PDE4D: variants seen among roughly 807,000 people sequenced by gnomAD.
PDE4D encodes the protein 3',5'-cyclic-AMP phosphodiesterase 4D.
In PDE4D, 24 loss-of-function variants were observed where a neutral mutation model predicts 87.4. That is an observed-to-expected ratio of 0.27 (90% confidence interval 0.20 to 0.39). The LOEUF (loss-of-function observed/expected upper bound fraction) is 0.39, where lower values mean the gene tolerates loss of function less well. Among genes scored for constraint, PDE4D ranks in the 10% least tolerant of loss-of-function variants. PDE4D has a pLI of 1.00. For missense variants in PDE4D, 714 were observed against 1,041.0 expected (o/e 0.69, Z 4.32); for synonymous variants, 384 against 383.2 (o/e 1.00, Z -0.02).
chr5:60,375,754 C>T (rs1289075136), intron 1 of PDE4D, among the ~76,000 whole-genome samples: 1 of 152,164 alleles, frequency 6.6e-6, no homozygotes, highest in Non-Finnish European at 1.5e-5. Context: ...TTATAATATA[C>T]TACCAGCTGG....
chr5:60,109,278 C>T (rs1166976247), intron 2 of PDE4D, among the ~76,000 whole-genome samples: 1 of 152,184 alleles, frequency 6.6e-6, no homozygotes, highest in Non-Finnish European at 1.5e-5. Context: ...CATCACTGGC[C>T]ATCAGAGGAA....
intron 1 of PDE4D, among the ~76,000 whole-genome samples, chr5:59,413,184 G>A (rs926311283): frequency 9.9e-5 from 15 of 152,090 alleles, no homozygotes; most frequent in Non-Finnish European, 4.4e-5. Context: ...TTGGCTGGGC[G>A]CGGTGGCTCA....
At chr5:59,904,697 T>A (rs1284879339) in intron 3 of PDE4D, among the ~76,000 whole-genome samples, 1 of 152,142 alleles carries the variant, frequency 6.6e-6, no homozygotes, top group East Asian at 1.9e-4. Context: ...TAATCTGTCC[T>A]CAAGGAATAC....
At chr5:59,866,306 G>C (rs945295886) in intron 1 of PDE4D, among the ~76,000 whole-genome samples, 2 of 152,104 alleles carry the variant, frequency 1.3e-5, no homozygotes, top group Non-Finnish European at 2.9e-5. Flanking sequence ...CCTTGGCACA[G>C]AGACATAAAT....
chr5:60,386,524 T>C (rs1425557346), intron 1 of PDE4D, among the ~76,000 whole-genome samples: 1 of 152,160 alleles, frequency 6.6e-6, no homozygotes, highest in Non-Finnish European at 1.5e-5. Flanking sequence ...TAAGACTCTT[T>C]GCAGGCCCCT....
At chr5:59,722,876 T>TACATGGAATAA (rs1347636473) in intron 1 of PDE4D, among the ~76,000 whole-genome samples, 8 of 152,174 alleles carry the variant, frequency 5.3e-5, no homozygotes, top group Admixed American at 4.6e-4. Flanking sequence ...TCAGTATATA[T>TACATGGAATAA]ACATGGAATA....
intron 2 of PDE4D, among the ~76,000 whole-genome samples, chr5:59,999,804 C>A (rs1483561887): frequency 6.6e-6 from 1 of 151,770 alleles, no homozygotes; most frequent in Non-Finnish European, 1.5e-5. Context: ...TAAAGAAGTT[C>A]AATGTGCTAG....
intron 1 of PDE4D, among the ~76,000 whole-genome samples, chr5:60,265,421 C>T (rs1258380579): frequency 6.6e-6 from 1 of 152,194 alleles, no homozygotes; most frequent in African/African-American, 2.4e-5. Flanking sequence ...TGGGCCTGGT[C>T]CTCAAGATAA....
chr5:59,817,798 G>A (rs1002775039), intron 1 of PDE4D, among the ~76,000 whole-genome samples: 1 of 150,296 alleles, frequency 6.7e-6, no homozygotes. Context: ...AAAGGTGTCT[G>A]TGTCTGCAGG....
At chr5:59,084,746 C>A (rs1767369508) in intron 5 of PDE4D, among the ~76,000 whole-genome samples, 1 of 151,322 alleles carries the variant, frequency 6.6e-6, no homozygotes, top group South Asian at 2.1e-4. Context: ...AAAATAAAAT[C>A]AACAAGAAAA....
At chr5:59,011,085 T>C (rs1752704048) in intron 6 of PDE4D, among the ~76,000 whole-genome samples, 2 of 152,174 alleles carry the variant, frequency 1.3e-5, no homozygotes, top group Non-Finnish European at 2.9e-5. Context: ...GGGTCCTGAC[T>C]GTTAGAAGGA....
At chr5:60,308,595 T>C (rs1754715058) in intron 1 of PDE4D, among the ~76,000 whole-genome samples, 1 of 152,220 alleles carries the variant, frequency 6.6e-6, no homozygotes, top group African/African-American at 2.4e-5. Context: ...AGGCTTGTGT[T>C]TCTAAATGTT....
intron 1 of PDE4D, among the ~76,000 whole-genome samples, chr5:59,291,087 C>T (rs951760406): frequency 6.6e-6 from 1 of 151,870 alleles, no homozygotes; most frequent in Non-Finnish European, 1.5e-5. Context: ...TAAGTACATA[C>T]CCAAAAGAAA....
intron 1 of PDE4D, among the ~76,000 whole-genome samples, chr5:59,875,700 T>C (rs1748492089): frequency 6.6e-6 from 1 of 152,192 alleles, no homozygotes; most frequent in African/African-American, 2.4e-5. Context: ...CACTATTCTC[T>C]CAATTCTTCT....
At chr5:60,048,506 T>C (rs1376305842) in intron 2 of PDE4D, among the ~76,000 whole-genome samples, 1 of 152,128 alleles carries the variant, frequency 6.6e-6, no homozygotes, top group Non-Finnish European at 1.5e-5. Flanking sequence ...GCTGGTACCA[T>C]TTGTTCCTCT....
intron 1 of PDE4D, among the ~76,000 whole-genome samples, chr5:59,844,376 C>T (rs908701194): frequency 6.6e-6 from 1 of 152,082 alleles, no homozygotes; most frequent in East Asian, 1.9e-4. Flanking sequence ...AAAACTGATA[C>T]TATGTTATAT....
At chr5:60,457,365 G>C (rs1165730777) in intron 1 of PDE4D, among the ~76,000 whole-genome samples, 2 of 152,080 alleles carry the variant, frequency 1.3e-5, no homozygotes, top group Admixed American at 6.6e-5. Flanking sequence ...TAGAAGGCTT[G>C]GCCTGAATAG....
chr5:60,205,391 A>G (rs1197947467), intron 1 of PDE4D, among the ~76,000 whole-genome samples: 1 of 152,130 alleles, frequency 6.6e-6, no homozygotes, highest in Non-Finnish European at 1.5e-5. Flanking sequence ...TTTTGTCTCT[A>G]CCAGTGGGAC....
At chr5:60,302,353 A>G (rs2149794414) in intron 1 of PDE4D, among the ~76,000 whole-genome samples, 2 of 152,090 alleles carry the variant, frequency 1.3e-5, no homozygotes, top group East Asian at 3.9e-4. Flanking sequence ...AGACCTTGTT[A>G]TTGATCTGTT....
Sources: gnomAD v4.1 joint callset for allele counts (sites outside exome capture counted in the v4.1 genomes callset) on GRCh38, gnomAD v4.1.1 for gene constraint, MANE v1.5 for transcripts, NCBI Gene and HGNC (gene_info 2026-07-23, HGNC 2026-07-21) for gene names.